The following BTBD16 variants were observed in gnomAD, a reference collection of about 807,000 sequenced individuals.
The protein encoded by BTBD16 is BTB/POZ domain-containing protein 16.
BTBD16 carries 66 observed loss-of-function variants against 67.4 expected under a neutral mutation model. The ratio of observed to expected loss-of-function variants is 0.98; its 90% CI spans 0.80 to 1.20. The LOEUF is 1.20. Among genes scored for constraint, BTBD16 ranks in the 50% most tolerant of loss-of-function variants. The pLI, the probability that BTBD16 is intolerant of heterozygous loss-of-function variation, is 0.00. For missense variants in BTBD16, 634 were observed against 616.0 expected (o/e 1.03, Z -0.31); for synonymous variants, 242 against 236.4 (o/e 1.02, Z -0.22).
chr10:122,274,333 G>A (rs960172567), intron 1 of BTBD16, among the ~76,000 whole-genome samples: 3 of 152,198 alleles, frequency 2.0e-5, no homozygotes, highest in Admixed American at 1.3e-4. Flanking sequence ...TGGGAGAGCC[G>A]ACTCATGCTG....
At chr10:122,307,117 A>T in intron 9 of BTBD16, 72 bp from the exon 10 acceptor site, 4 of 1,518,596 alleles carry the variant, frequency 2.6e-6, no homozygotes, top group Middle Eastern at 3.5e-4. Context: ...ACTCATTCTA[A>T]CCAGCTTCTT....
intron 10 of BTBD16, among the ~76,000 whole-genome samples, chr10:122,313,257 G>GTTTTTTT (rs58984425): frequency 4.3e-5 from 6 of 139,138 alleles, no homozygotes; most frequent in Non-Finnish European, 3.1e-5. Flanking sequence ...AGTTAGTGCT[G>GTTTTTTT]TTTTTTTTTT....
At chr10:122,283,146 A>G (rs1335309357) in intron 3 of BTBD16, among the ~76,000 whole-genome samples, 2 of 152,290 alleles carry the variant, frequency 1.3e-5, no homozygotes, top group East Asian at 3.9e-4. Flanking sequence ...GACAAGACCA[A>G]ATTTGCATTT....
intron 10 of BTBD16, chr10:122,327,592 A>G: frequency 1.0e-6 from 1 of 985,390 alleles, no homozygotes; most frequent in Non-Finnish European, 1.2e-6. Flanking sequence ...GCTTGGTTGG[A>G]TGATGAGATG....
chr10:122,272,413 C>T (rs555971038), intron 1 of BTBD16, among the ~76,000 whole-genome samples: 1 of 152,200 alleles, frequency 6.6e-6, no homozygotes, highest in Non-Finnish European at 1.5e-5. Context: ...GAGAGTTTGG[C>T]TCACTGCAAC....
intron 9 of BTBD16, among the ~76,000 whole-genome samples, chr10:122,300,186 G>A (rs1197448479): frequency 6.6e-6 from 1 of 152,124 alleles, no homozygotes; most frequent in African/African-American, 2.4e-5. Flanking sequence ...TAGAAATGAA[G>A]TTACTAAGTC....
In BTBD16 at chr10:122,291,085, G is replaced by C. The variant is rs547145447; in HGVS notation, c.481G>C (p.Ala161Pro). The change falls in exon 7 of 16, where the codon GCC becomes CCC. Residue 161 changes from alanine (A) to proline (P), a missense_variant. Physicochemically the swap from Ala to Pro is conservative, Grantham distance 27. Transcript: ENST00000260723. ...GCTTGGCTGTGCCTCCCCAGCCTTCGCCACGGCCCTGAAGAACCTCTACAT... is the reference window on the plus strand; with the variant it reads ...GCTTGGCTGTGCCTCCCCAGCCTTCCCCACGGCCCTGAAGAACCTCTACAT... ...NDPLVTKVAF[A>P]TALKNLYMSE... 7 of 1,609,900 alleles carry C rather than the reference G, an allele frequency of 4.3e-6. No homozygotes were observed. The highest frequency in any genetic ancestry group is 2.7e-5 in the African/African-American group (2 of 74,894).
chr10:122,320,736 G>A (rs113736840), intron 10 of BTBD16, among the ~76,000 whole-genome samples: 21 of 152,204 alleles, frequency 1.4e-4, no homozygotes, highest in African/African-American at 4.8e-4. Context: ...CAGAGAAAAT[G>A]CTTTGTATGA....
At chr10:122,283,750 A>G (rs1044169034) in intron 3 of BTBD16, 101 bp from the exon 4 acceptor site, 3 of 877,904 alleles carry the variant, frequency 3.4e-6, no homozygotes, top group African/African-American at 3.3e-5. Flanking sequence ...AGCTTGATCA[A>G]TGGGTGCTTT....
Position 122,299,016 on chromosome 10 carries a change from C to A in BTBD16, c.673C>A (p.Gln225Lys). The change falls in exon 9 of 16, where the codon CAG becomes AAG. Residue 225 changes from glutamine (Q) to lysine (K), a missense_variant. Gln to Lys is a moderately conservative substitution (Grantham distance 53). Transcript: ENST00000260723. Reference protein sequence around the residue: ...YEAGCKYKEEQLTTGCEKWLE... With the variant: ...YEAGCKYKEEKLTTGCEKWLE... ...TTTTTTGTCTTAGTACAAGGAAGAGCAGCTCACCACCGGCTGCGAGAAGTG... is the reference window on the plus strand; with the variant it reads ...TTTTTTGTCTTAGTACAAGGAAGAGAAGCTCACCACCGGCTGCGAGAAGTG... 1 of 1,613,832 alleles carries A rather than the reference C, an allele frequency of 6.2e-7. No homozygotes were observed. Among genetic ancestry groups the A allele is most frequent in the Non-Finnish European group, 8.5e-7 (1 of 1,179,960 alleles).
intron 7 of BTBD16, among the ~76,000 whole-genome samples, chr10:122,293,385 T>A (rs1262286559): frequency 6.6e-6 from 1 of 152,150 alleles, no homozygotes; most frequent in Admixed American, 6.5e-5. Flanking sequence ...AATGACTAGG[T>A]CCAGGCCTTT....
At chr10:122,321,818 G>T (rs559680531) in intron 10 of BTBD16, among the ~76,000 whole-genome samples, 2 of 152,108 alleles carry the variant, frequency 1.3e-5, no homozygotes, top group Non-Finnish European at 2.9e-5. Flanking sequence ...CTGGGCAGAA[G>T]CTCTTAAGTT....
chr10:122,314,562 T>C (rs1480388877), intron 10 of BTBD16, among the ~76,000 whole-genome samples: 5 of 152,210 alleles, frequency 3.3e-5, no homozygotes, highest in Non-Finnish European at 5.9e-5. Flanking sequence ...GTTTATTGTA[T>C]GGAGGTCTTG....
At chr10:122,282,417 C>T (rs185701549) in intron 3 of BTBD16, among the ~76,000 whole-genome samples, 4 of 152,302 alleles carry the variant, frequency 2.6e-5, no homozygotes, top group Non-Finnish European at 4.4e-5. Context: ...AAGGGCAGCA[C>T]GTAGTTGGCA....
chr10:122,281,271 T>C (rs917371596), intron 3 of BTBD16, among the ~76,000 whole-genome samples: 16 of 152,230 alleles, frequency 1.1e-4, no homozygotes, highest in Non-Finnish European at 1.9e-4. Flanking sequence ...CCTTTGTGTG[T>C]GGCTGTAGGT....
intron 9 of BTBD16, among the ~76,000 whole-genome samples, chr10:122,302,443 C>T (rs1189712757): frequency 6.6e-6 from 1 of 152,134 alleles, no homozygotes; most frequent in East Asian, 1.9e-4. Context: ...AGAGCACTGT[C>T]TAGCTCCCAT....
At chr10:122,283,787 TG>T in intron 3 of BTBD16, 63 bp from the exon 4 acceptor site, 1 of 1,216,466 alleles carries the variant, frequency 8.2e-7, no homozygotes, top group South Asian at 1.2e-5. Flanking sequence ...GAATAATGCA[TG>T]TTGTAGTTGG....
intron 3 of BTBD16, among the ~76,000 whole-genome samples, chr10:122,282,176 A>G (rs1236382927): frequency 2.0e-5 from 3 of 152,192 alleles, no homozygotes; most frequent in African/African-American, 4.8e-5. Flanking sequence ...AGTTGAGTTC[A>G]TGGACCTTGC....
intron 13 of BTBD16, among the ~76,000 whole-genome samples, chr10:122,333,972 A>G (rs891335982): frequency 6.6e-6 from 1 of 152,178 alleles, no homozygotes. Context: ...AAGCATTAAT[A>G]TGTGGTATAG....
Sources: allele counts gnomAD v4.1 joint callset (sites outside exome capture counted in the v4.1 genomes callset), GRCh38; gene constraint gnomAD v4.1.1; transcripts MANE v1.5; gene names NCBI Gene and HGNC (gene_info 2026-07-23, HGNC 2026-07-21).